The following UBASH3A variants were observed in gnomAD, a reference collection of about 807,000 sequenced individuals.
The protein encoded by UBASH3A is ubiquitin associated and SH3 domain containing A.
In UBASH3A, 63 loss-of-function variants were observed where a neutral mutation model predicts 73.5. The observed-to-expected ratio is 0.86, with a 90% CI of 0.70 to 1.06. The LOEUF is 1.06. Among genes scored for constraint, UBASH3A ranks in the 50% least tolerant of loss-of-function variants. The probability of loss-of-function intolerance (pLI) is 0.00; values close to 1 mark genes in which losing one functional copy is unlikely to be tolerated. For missense variants in UBASH3A, 860 were observed against 859.0 expected (o/e 1.00, Z -0.02); for synonymous variants, 363 against 351.1 (o/e 1.03, Z -0.38).
chr21:42,412,335 A>G (rs2146505295), intron 3 of UBASH3A, among the ~76,000 whole-genome samples: 1 of 152,276 alleles, frequency 6.6e-6, no homozygotes, highest in East Asian at 1.9e-4. Flanking sequence ...GCTGCATCAG[A>G]AAGAGGGTCC....
At chr21:42,424,020 G>A (rs1271781694) in intron 7 of UBASH3A, among the ~76,000 whole-genome samples, 3 of 151,984 alleles carry the variant, frequency 2.0e-5, no homozygotes, top group South Asian at 2.1e-4. Context: ...TTTCAAAATC[G>A]GAAAATGATC....
At chr21:42,408,323 G>C (rs184031011) in intron 2 of UBASH3A, among the ~76,000 whole-genome samples, 1 of 152,200 alleles carries the variant, frequency 6.6e-6, no homozygotes, top group African/African-American at 2.4e-5. Flanking sequence ...ACGGTAAATA[G>C]ATTTGCTATC....
chr21:42,413,146 C>T lies in UBASH3A; in HGVS notation c.477C>T (p.Phe159=). The part of the protein sequence containing the change: ...ALHSSISYLG[F]FVSGSPADVI... ...ACTCCTCCATCAGCTACCTCGGCTTCTTCGTCAGTGGCAGCCCCGCAGACG... is the reference window on the plus strand; with the variant it reads ...ACTCCTCCATCAGCTACCTCGGCTTTTTCGTCAGTGGCAGCCCCGCAGACG... Residue 159 remains phenylalanine (F), a synonymous_variant, in exon 4 of 15, where the codon TTC becomes TTT. Transcript: ENST00000319294. This position sits in a 1 kb window ranked among gnomAD's most constrained non-coding sequence, Gnocchi z 4.5. The T allele has an allele frequency of 6.2e-7, 1 of 1,614,228 alleles. No individual in the cohort carries two copies. Among genetic ancestry groups the T allele is most frequent in the Non-Finnish European group, 8.5e-7 (1 of 1,180,040 alleles).
chr21:42,408,413 G>A (rs577416001), intron 2 of UBASH3A, among the ~76,000 whole-genome samples: 2 of 152,100 alleles, frequency 1.3e-5, no homozygotes, highest in African/African-American at 4.8e-5. Flanking sequence ...TAAATAGATG[G>A]TTCATGTGCA....
At chr21:42,437,424 C>T (rs1555870866) in intron 10 of UBASH3A, 64 bp from the exon 11 acceptor site, 4 of 1,471,674 alleles carry the variant, frequency 2.7e-6, no homozygotes, top group Non-Finnish European at 2.9e-6. Flanking sequence ...GAGCACATGG[C>T]TCATCTGCCA....
rs544252000 is a variant in UBASH3A, at chr21:42,406,524, T to C, written c.167+163T>C. Among the ~76,000 whole-genome samples the C allele has an allele frequency of 4.7e-4, 71 of 152,268 alleles. 1 individual carries two copies. Among genetic ancestry groups the C allele is most frequent in the Non-Finnish European group, 8.8e-5 (6 of 68,012 alleles). ...AAATAACCTCCCTGCCTACCCATAG[T>C]GCACTGAGGGAGGGGCACAGGGCTT... On this transcript the variant is annotated intron_variant, in intron 2 of 14. Coordinates refer to ENST00000319294, the MANE Select transcript of UBASH3A (RefSeq NM_018961.4).
Position 42,434,954 on chromosome 21 carries a change from G to A in UBASH3A, c.1393G>A (p.Gly465Arg). 1 of 1,614,028 alleles carries A rather than the reference G, an allele frequency of 6.2e-7. No homozygotes were observed. Among genetic ancestry groups the A allele is most frequent in the Non-Finnish European group, 8.5e-7 (1 of 1,179,970 alleles). The change falls in exon 10 of 15, where the codon GGG becomes AGG. Residue 465 changes from glycine to arginine, a missense_variant and splice_region_variant. By Grantham distance (125) the Gly-to-Arg change is moderately radical. Transcript: ENST00000319294. ...TGGCATTTTCCAGTCCAGAATTGCA[G>A]GTATGTTTGAGGACTGTCTAGTAGG... is the stretch of plus-strand genomic sequence containing the variant. ...SCGIFQSRIAGDALLDSGIRI... is the reference protein window; with the variant it reads ...SCGIFQSRIARDALLDSGIRI...
chr21:42,410,435 G>A (rs912749198), intron 3 of UBASH3A: 13 of 508,034 alleles, frequency 2.6e-5, no homozygotes, highest in East Asian at 6.2e-5. Context: ...CAGGCCCCTC[G>A]GTGCTGGATG....
intron 2 of UBASH3A, among the ~76,000 whole-genome samples, chr21:42,407,889 T>C (rs2053010613): frequency 6.6e-6 from 1 of 152,268 alleles, no homozygotes; most frequent in African/African-American, 2.4e-5. Flanking sequence ...CAACATTGTA[T>C]ATGTATACAT....
chr21:42,427,019 G>C (rs2053447799), intron 8 of UBASH3A, among the ~76,000 whole-genome samples, 199 bp downstream of exon 8: 1 of 152,152 alleles, frequency 6.6e-6, no homozygotes, highest in African/African-American at 2.4e-5. Flanking sequence ...GCTCTGGGCA[G>C]ACAGGGAGCC....
intron 1 of UBASH3A, among the ~76,000 whole-genome samples, chr21:42,405,500 C>T (rs1057344934): frequency 2.6e-5 from 4 of 152,154 alleles, no homozygotes; most frequent in African/African-American, 9.7e-5. Context: ...TTCCCCACAC[C>T]AGAGCACCTC....
rs941891847 is a variant in UBASH3A at position 42,413,637 on chromosome 21, A to G, written c.667+114A>G. On this transcript the variant is annotated intron_variant, in intron 5 of 14. Coordinates refer to ENST00000319294, the MANE Select transcript of UBASH3A (RefSeq NM_018961.4). The surrounding 1 kb of genome is among the most constrained non-coding windows in gnomAD (Gnocchi z 4.5). ...TAGCTATATGCCAACAGCCTGGGAA[A>G]GTGCCCCAGAAGGGTGTGCCAAGCA... The G allele has an allele frequency of 6.7e-5, 53 of 789,886 alleles. No homozygotes were observed. In the African/African-American group the frequency reaches 8.3e-4, roughly 12 times the overall value. The allele number at this position is 789,886 out of a possible 1,614,324, so 48.9% of individuals were successfully genotyped here.
intron 7 of UBASH3A, among the ~76,000 whole-genome samples, chr21:42,426,339 A>G (rs1018687651): frequency 1.2e-4 from 18 of 152,218 alleles, no homozygotes; most frequent in African/African-American, 4.3e-4. Flanking sequence ...CCATCATCTG[A>G]AGGGTGGTCT....
At position 42,410,021 on chromosome 21, in the gene UBASH3A, A is replaced by G. The variant is rs1030223475; in HGVS notation, c.354+413A>G. On this transcript the variant is annotated intron_variant, in intron 3 of 14. Transcript: ENST00000319294. ...ACCCCCAGAAACTAGCACAGCCCCT[A>G]AAACAGAGTTTGTGCTTCCAAAATG... The G allele has an allele frequency of 4.3e-6, 3 of 699,822 alleles. No individual in the cohort carries two copies. The African/African-American group carries it at 5.2e-5, about 12-fold the overall frequency. 43.4% of individuals were successfully genotyped at this position (699,822 alleles called of 1,614,324 possible).
At chr21:42,405,491 T>TC (rs772360149) in intron 1 of UBASH3A, among the ~76,000 whole-genome samples, 164 of 152,252 alleles carry the variant, frequency 1.1e-3, no homozygotes, top group Non-Finnish European at 4.6e-4. Context: ...TGTGTTAATT[T>TC]CCCCACACCA....
chr21:42,418,681 C>A, intron 7 of UBASH3A, 72 bp downstream of exon 7: 1 of 1,405,172 alleles, frequency 7.1e-7, no homozygotes, highest in Non-Finnish European at 9.8e-7. Context: ...CACCTGCCAA[C>A]AGTGTGCTTC....
At chr21:42,435,130 C>T (rs2053603165) in intron 10 of UBASH3A, 176 bp downstream of exon 10, 3 of 678,288 alleles carry the variant, frequency 4.4e-6, no homozygotes, top group Non-Finnish European at 7.1e-6. Context: ...CAAGGTCACA[C>T]AGCAAGAAAG....
chr21:42,409,391 G>A, intron 2 of UBASH3A, 31 bp from the exon 3 acceptor site: 1 of 1,518,376 alleles, frequency 6.6e-7, no homozygotes, highest in Non-Finnish European at 8.8e-7. Flanking sequence ...TGTTGTGACA[G>A]TGGGTGATGC....
intron 2 of UBASH3A, among the ~76,000 whole-genome samples, chr21:42,407,516 CA>C (rs750164676): frequency 6.6e-6 from 1 of 152,164 alleles, no homozygotes; most frequent in Non-Finnish European, 1.5e-5. Flanking sequence ...GGAACCCCAC[CA>C]AAAAATAGGG....
Sources: gnomAD v4.1 joint callset for allele counts (sites outside exome capture counted in the v4.1 genomes callset) on GRCh38, gnomAD v4.1.1 for gene constraint, Gnocchi (gnomAD v3.1) non-coding constraint, MANE v1.5 for transcripts, NCBI Gene and HGNC (gene_info 2026-07-23, HGNC 2026-07-21) for gene names.